CLCN3: variants seen among roughly 807,000 people sequenced by gnomAD.
CLCN3 encodes the protein H(+)/Cl(-) exchange transporter 3.
A neutral mutation model predicts 83.4 loss-of-function variants in CLCN3; 16 were observed. The observed-to-expected ratio is 0.19, with a 90% CI of 0.13 to 0.29. The LOEUF (loss-of-function observed/expected upper bound fraction) is 0.29. Ranked by LOEUF, CLCN3 falls within the 10% of genes least tolerant of loss-of-function variation. CLCN3 has a pLI of 1.00. For synonymous variants in CLCN3, 322 were observed against 346.2 expected, an observed-to-expected ratio of 0.93 and a Z score of 0.78; for missense variants, 544 against 1,006.0, an observed-to-expected ratio of 0.54 and a Z score of 6.21.
chr4:169,703,537 T>A (rs1732876335), intron 9 of CLCN3, among the ~76,000 whole-genome samples: 1 of 152,228 alleles, frequency 6.6e-6, no homozygotes, highest in South Asian at 2.1e-4. Flanking sequence ...AAATATATAT[T>A]TTTTAATTTC....
At chr4:169,709,732 C>T (rs542045928) in intron 11 of CLCN3, among the ~76,000 whole-genome samples, 1 of 151,558 alleles carries the variant, frequency 6.6e-6, no homozygotes, top group African/African-American at 2.4e-5. Flanking sequence ...ATGTTGTTCT[C>T]TGTTTCAGAG....
intron 5 of CLCN3, among the ~76,000 whole-genome samples, chr4:169,690,057 A>G (rs1732303908): frequency 6.7e-6 from 1 of 149,876 alleles, no homozygotes; most frequent in African/African-American, 2.5e-5. Flanking sequence ...CTACTTAAAT[A>G]TTTTGTTCAT....
At chr4:169,672,068 C>T (rs1731480064) in intron 2 of CLCN3, among the ~76,000 whole-genome samples, 2 of 151,856 alleles carry the variant, frequency 1.3e-5, no homozygotes, top group East Asian at 1.9e-4. Context: ...AAAAATTAGC[C>T]GGGCGTGGTG....
intron 2 of CLCN3, among the ~76,000 whole-genome samples, chr4:169,654,747 T>C (rs939481635): frequency 2.6e-5 from 4 of 152,200 alleles, no homozygotes; most frequent in Non-Finnish European, 4.4e-5. Flanking sequence ...TTGAAATTTT[T>C]TGCAACTTGC....
intron 3 of CLCN3, among the ~76,000 whole-genome samples, chr4:169,683,565 T>C (rs1330248578): frequency 6.6e-6 from 1 of 152,150 alleles, no homozygotes; most frequent in East Asian, 1.9e-4. Context: ...CTTGAAAACA[T>C]TGCAAATAGT....
intron 2 of CLCN3, among the ~76,000 whole-genome samples, chr4:169,637,129 A>G (rs1730234000): frequency 6.6e-6 from 1 of 152,094 alleles, no homozygotes; most frequent in Non-Finnish European, 1.5e-5. Flanking sequence ...ATGAGTTTAA[A>G]TGCCTTTTTG....
At chr4:169,689,336 C>CT in intron 5 of CLCN3, 106 bp downstream of exon 5, 2 of 893,228 alleles carry the variant, frequency 2.2e-6, no homozygotes, top group Non-Finnish European at 3.3e-6. Context: ...ACATACACAT[C>CT]AAATGGATCC....
chr4:169,717,717 ATTCT>A (rs1370101108), intron 12 of CLCN3: 14 of 927,900 alleles, frequency 1.5e-5, no homozygotes, highest in Non-Finnish European at 1.7e-5. Flanking sequence ...TTTTTCTCTC[ATTCT>A]TTATCATTAT....
At chr4:169,685,054 C>G (rs1385711989) in intron 3 of CLCN3, among the ~76,000 whole-genome samples, 4 of 149,230 alleles carry the variant, frequency 2.7e-5, no homozygotes, top group Admixed American at 1.4e-4. Flanking sequence ...TGGCCTCTAA[C>G]AGTCCTCCTG....
intron 12 of CLCN3, chr4:169,717,846 A>G: frequency 6.2e-7 from 1 of 1,612,840 alleles, no homozygotes; most frequent in Non-Finnish European, 8.5e-7. Context: ...TCGAGCAACT[A>G]AAGCAGCACG....
At chr4:169,692,032 A>C in intron 6 of CLCN3, 82 bp from the exon 7 acceptor site, 1 of 971,018 alleles carries the variant, frequency 1.0e-6, no homozygotes, top group Non-Finnish European at 1.6e-6. Flanking sequence ...GTTTTTGTGC[A>C]TAAAACAAGA....
chr4:169,698,251 A>G (rs1414403327), intron 9 of CLCN3, among the ~76,000 whole-genome samples: 4 of 152,072 alleles, frequency 2.6e-5, no homozygotes, highest in Non-Finnish European at 4.4e-5. Flanking sequence ...ATCCAATTAC[A>G]CTCTTAATTA....
chr4:169,636,096 C>G lies in CLCN3; in HGVS notation c.160+8C>G. On this transcript the variant is annotated splice_region_variant and intron_variant, in intron 2 of 12. Transcript: ENST00000513761. The stretch of plus-strand genomic sequence containing the variant: ...ATGGTGACACTGCAGTTGGTAAGTT[C>G]AGCATGACAGCCTAATGTTTGTATT... 1 of 1,606,672 alleles carries G rather than the reference C, an allele frequency of 6.2e-7. No individual in the cohort carries two copies. The highest frequency in any genetic ancestry group is 8.5e-7 in the Non-Finnish European group (1 of 1,175,828).
At chr4:169,686,004 TG>T (rs938797723) in intron 3 of CLCN3, among the ~76,000 whole-genome samples, 2 of 152,138 alleles carry the variant, frequency 1.3e-5, no homozygotes, top group African/African-American at 4.8e-5. Flanking sequence ...TGAAATAGAC[TG>T]GGTCCATGTC....
At chr4:169,689,611 C>T (rs914201367) in intron 5 of CLCN3, among the ~76,000 whole-genome samples, 8 of 152,224 alleles carry the variant, frequency 5.3e-5, no homozygotes, top group Middle Eastern at 3.4e-3. Context: ...AATCAACCTA[C>T]GTAGAGATAC....
At chr4:169,717,933 C>G in intron 12 of CLCN3, 1 of 1,012,958 alleles carries the variant, frequency 9.9e-7, no homozygotes, top group South Asian at 1.4e-5. Context: ...AACTTGTGAA[C>G]TGTTGAGTTC....
chr4:169,626,807 G>GT (rs557095564), intron 1 of CLCN3, among the ~76,000 whole-genome samples: 1 of 152,130 alleles, frequency 6.6e-6, no homozygotes, highest in South Asian at 2.1e-4. Flanking sequence ...GTGAAATCCT[G>GT]TCTCTACTTA....
chr4:169,633,278 T>G (rs1233368097), intron 1 of CLCN3, among the ~76,000 whole-genome samples: 1 of 152,226 alleles, frequency 6.6e-6, no homozygotes, highest in Non-Finnish European at 1.5e-5. Flanking sequence ...CCCAAAGTGC[T>G]GGAACTACAG....
intron 2 of CLCN3, among the ~76,000 whole-genome samples, chr4:169,663,820 C>G (rs1223308894): frequency 6.6e-6 from 1 of 152,078 alleles, no homozygotes; most frequent in African/African-American, 2.4e-5. Context: ...AACTGCTTCT[C>G]TCTACACGTA....
Sources: gnomAD v4.1 joint callset for allele counts (sites outside exome capture counted in the v4.1 genomes callset) on GRCh38, gnomAD v4.1.1 for gene constraint, MANE v1.5 for transcripts, NCBI Gene and HGNC (gene_info 2026-07-23, HGNC 2026-07-21) for gene names.